Variants in DSE observed in about 807,000 individuals in gnomAD.
DSE encodes dermatan-sulfate epimerase.
In DSE, 36 loss-of-function variants were observed where a neutral mutation model predicts 84.4. The ratio of observed to expected loss-of-function variants is 0.43; its 90% confidence interval spans 0.33 to 0.56. The LOEUF (loss-of-function observed/expected upper bound fraction) is 0.56. Ranked by LOEUF, DSE falls within the 20% of genes least tolerant of loss-of-function variation. DSE has a pLI of 0.06. For missense variants in DSE, 862 were observed against 1,169.6 expected (o/e 0.74, Z 3.84); for synonymous variants, 410 against 430.1 (o/e 0.95, Z 0.58).
chr6:116,432,102 A>G (rs955043387), intron 4 of DSE, among the ~76,000 whole-genome samples: 4 of 152,260 alleles, frequency 2.6e-5, no homozygotes, highest in African/African-American at 9.6e-5. Context: ...ATTCAAAAAA[A>G]TACTGCTTTG....
Position 116,322,275 on chromosome 6 carries a change from G to A in DSE, c.-54+63308G>A, listed in dbSNP as rs189815501. Among the ~76,000 whole-genome samples the A allele has an allele frequency of 5.9e-3, 895 of 152,272 alleles. 9 individuals carry two copies. The highest frequency in any genetic ancestry group is 0.02 in the African/African-American group (837 of 41,542). The stretch of plus-strand genomic sequence containing the variant: ...GATCTTTAACTACCAGGCCCAGGGT[G>A]TGGCGCCGGGCTGTCTGCTTGTGGA... On this transcript the variant is annotated intron_variant, in intron 2 of 3. Transcript: ENST00000430252.
chr6:116,429,631 G>A (rs1457453915), intron 3 of DSE, among the ~76,000 whole-genome samples: 1 of 152,192 alleles, frequency 6.6e-6, no homozygotes, highest in African/African-American at 2.4e-5. Context: ...GTTCAGTGCT[G>A]TGTAAGTTAT....
At chr6:116,278,623 T>G (rs749764449) in intron 2 of DSE, 1 of 1,614,004 alleles carries the variant, frequency 6.2e-7, no homozygotes. Context: ...TTGCAGTGGA[T>G]TTGGCCACAG....
chr6:116,338,316 G>A (rs1441112187), intron 2 of DSE, among the ~76,000 whole-genome samples: 5 of 145,570 alleles, frequency 3.4e-5, no homozygotes, highest in South Asian at 4.4e-4. Context: ...TCTGCCTCCC[G>A]GGTTCAAGCA....
At chr6:116,377,882 G>C (rs1780018466) in intron 1 of DSE, among the ~76,000 whole-genome samples, 1 of 152,172 alleles carries the variant, frequency 6.6e-6, no homozygotes, top group African/African-American at 2.4e-5. Flanking sequence ...TGTGAGGACA[G>C]ACTATATCCA....
intron 1 of DSE, among the ~76,000 whole-genome samples, chr6:116,386,138 G>A (rs547694926): frequency 3.5e-4 from 53 of 152,298 alleles, no homozygotes; most frequent in African/African-American, 1.3e-3. Flanking sequence ...TGCTTCAACA[G>A]CAACATTCTT....
intron 2 of DSE, among the ~76,000 whole-genome samples, chr6:116,267,412 C>G (rs1174900111): frequency 2.7e-5 from 4 of 150,914 alleles, no homozygotes; most frequent in Admixed American, 2.6e-4. Flanking sequence ...GTGTTTGTGT[C>G]TTCATTTTTA....
intron 1 of DSE, among the ~76,000 whole-genome samples, chr6:116,257,948 A>G (rs917523419): frequency 6.6e-6 from 1 of 152,216 alleles, no homozygotes; most frequent in African/African-American, 2.4e-5. Context: ...CTAAAGAGAA[A>G]CAAGAATTCA....
intron 2 of DSE, chr6:116,401,005 A>G (rs1455816446): frequency 6.6e-6 from 1 of 152,138 alleles, no homozygotes; most frequent in African/African-American, 2.4e-5. Context: ...AGATAAGTAG[A>G]TTTTGGCAAA....
chr6:116,370,409 C>T (rs769439780), upstream of DSE: 4 of 947,918 alleles, frequency 4.2e-6, no homozygotes, highest in Non-Finnish European at 5.0e-6. Context: ...CCACTAACTT[C>T]TCTTTGAGAA....
intron 2 of DSE, among the ~76,000 whole-genome samples, chr6:116,260,286 C>T (rs1772356932): frequency 6.6e-6 from 1 of 151,856 alleles, no homozygotes; most frequent in Non-Finnish European, 1.5e-5. Flanking sequence ...GTATGTCTTT[C>T]TTAGAAAAAT....
chr6:116,419,344 A>T (rs1782928742), intron 2 of DSE, among the ~76,000 whole-genome samples: 1 of 152,238 alleles, frequency 6.6e-6, no homozygotes, highest in Admixed American at 6.5e-5. Context: ...GAGGGAAAAA[A>T]GATGAATCAC....
At chr6:116,266,781 A>AT in intron 2 of DSE, among the ~76,000 whole-genome samples, 1 of 152,298 alleles carries the variant, frequency 6.6e-6, no homozygotes, top group East Asian at 1.9e-4. Flanking sequence ...CTAATGGCTT[A>AT]TTTTACAATC....
chr6:116,331,254 C>A (rs1247221389), intron 2 of DSE, among the ~76,000 whole-genome samples: 2 of 152,052 alleles, frequency 1.3e-5, no homozygotes, highest in African/African-American at 4.8e-5. Flanking sequence ...TGATGAAATA[C>A]CCAAGACTGG....
chr6:116,377,340 C>G (rs1779988264), intron 1 of DSE, among the ~76,000 whole-genome samples: 1 of 152,106 alleles, frequency 6.6e-6, no homozygotes. Flanking sequence ...GCTTGTGGGT[C>G]TGTAATGTTT....
At chr6:116,416,865 A>G (rs1287411280) in intron 2 of DSE, among the ~76,000 whole-genome samples, 1 of 152,202 alleles carries the variant, frequency 6.6e-6, no homozygotes, top group Admixed American at 6.5e-5. Context: ...ACTTTTTGAA[A>G]CATATTTTAC....
rs762445762 is a variant in DSE at position 116,279,741 on chromosome 6, T to A, written c.-54+20774T>A. The A allele has an allele frequency of 3.7e-6, 6 of 1,611,974 alleles. No individual in the cohort carries two copies. In the South Asian group the frequency reaches 5.5e-5, roughly 15 times the overall value. On this transcript the variant is annotated intron_variant, in intron 2 of 3. Coordinates refer to the DSE transcript ENST00000430252. ...GGTCGCGGAGCCTCAGGTACTGGTG[T>A]GCGTCCTGGTCGCTCGGGACTTGGT...
intron 2 of DSE, among the ~76,000 whole-genome samples, chr6:116,320,764 G>T (rs926379009): frequency 6.6e-6 from 1 of 151,984 alleles, no homozygotes; most frequent in Non-Finnish European, 1.5e-5. Context: ...CCAATTTTCT[G>T]TTCTTATAAG....
At chr6:116,400,566 G>A (rs894771219) in intron 2 of DSE, 2 of 152,180 alleles carry the variant, frequency 1.3e-5, no homozygotes, top group African/African-American at 4.8e-5. Context: ...AGGGGTGAAG[G>A]ATGGTGGTTT....
Sources: allele counts gnomAD v4.1 joint callset (sites outside exome capture counted in the v4.1 genomes callset), GRCh38; gene constraint gnomAD v4.1.1; transcripts MANE v1.5; gene names NCBI Gene and HGNC (gene_info 2026-07-23, HGNC 2026-07-21).